The following TMEM120B variants were observed in gnomAD, a reference collection of about 807,000 sequenced individuals.
TMEM120B encodes transmembrane protein 120B.
TMEM120B carries 31 observed loss-of-function variants against 55.5 expected under a neutral mutation model. The observed-to-expected ratio is 0.56, with a 90% CI of 0.42 to 0.75. The LOEUF (loss-of-function observed/expected upper bound fraction) is 0.75, where lower values mean the gene tolerates loss of function less well. Among genes scored for constraint, TMEM120B ranks in the 30% least tolerant of loss-of-function variants. The probability of loss-of-function intolerance (pLI) is 0.00; values close to 1 mark genes in which losing one functional copy is unlikely to be tolerated. For missense variants in TMEM120B, 399 were observed against 425.5 expected (o/e 0.94, Z 0.55); for synonymous variants, 203 against 176.3 (o/e 1.15, Z -1.20).
intron 3 of TMEM120B, 96 bp downstream of exon 3, chr12:121,748,538 A>G: frequency 1.2e-6 from 1 of 803,232 alleles, no homozygotes; most frequent in Middle Eastern, 2.4e-4. Flanking sequence ...TGGTGCTCAG[A>G]TTGAAGGGGA....
intron 1 of TMEM120B, among the ~76,000 whole-genome samples, chr12:121,742,184 G>A (rs1380891615): frequency 6.6e-6 from 1 of 151,652 alleles, no homozygotes; most frequent in East Asian, 1.9e-4. Context: ...TGTATTTTTA[G>A]TAGAGACAGG....
intron 1 of TMEM120B, 43 bp from the exon 2 acceptor site, chr12:121,743,586 C>A (rs745950271): frequency 1.4e-6 from 2 of 1,438,818 alleles, no homozygotes; most frequent in Admixed American, 1.8e-5. Flanking sequence ...ATGAGCTGTT[C>A]ATATTCTCCC....
At chr12:121,742,010 T>C (rs1195433990) in intron 1 of TMEM120B, among the ~76,000 whole-genome samples, 1 of 150,306 alleles carries the variant, frequency 6.7e-6, no homozygotes, top group African/African-American at 2.4e-5. Context: ...TAACTTCCTT[T>C]TTTTTTTTTT....
chr12:121,771,069 G>A (rs1388691626), intron 7 of TMEM120B, 97 bp downstream of exon 7: 4 of 1,331,562 alleles, frequency 3.0e-6, no homozygotes, highest in African/African-American at 1.5e-5. Flanking sequence ...GGTGGGGGGT[G>A]TGCTCCAGGG....
intron 1 of TMEM120B, among the ~76,000 whole-genome samples, chr12:121,730,994 C>G (rs1022652071): frequency 1.1e-4 from 16 of 151,748 alleles, no homozygotes; most frequent in Admixed American, 5.3e-4. Context: ...CTGTATGATT[C>G]CACTTACAGG....
intron 5 of TMEM120B, among the ~76,000 whole-genome samples, chr12:121,761,428 C>G (rs988222488): frequency 1.3e-5 from 2 of 152,152 alleles, no homozygotes; most frequent in Admixed American, 1.3e-4. Flanking sequence ...GCAGGTGGGA[C>G]TCAGGGAGAA....
At chr12:121,729,821 T>C (rs1894962733) in intron 1 of TMEM120B, among the ~76,000 whole-genome samples, 1 of 152,048 alleles carries the variant, frequency 6.6e-6, no homozygotes, top group Admixed American at 6.6e-5. Context: ...AAGCGGGGTT[T>C]CAGAAAGATA....
At chr12:121,722,779 G>T (rs571513077) in intron 1 of TMEM120B, among the ~76,000 whole-genome samples, 210 of 152,164 alleles carry the variant, frequency 1.4e-3, no homozygotes, top group Non-Finnish European at 2.2e-3. Context: ...GAAGTCAATG[G>T]CTGTCTCAGG....
At chr12:121,759,221 T>A (rs1020864129) in intron 5 of TMEM120B, among the ~76,000 whole-genome samples, 1 of 146,464 alleles carries the variant, frequency 6.8e-6, no homozygotes, top group African/African-American at 2.6e-5. Flanking sequence ...CCAAGTCTCC[T>A]GTTCTTAAAG....
At chr12:121,715,771 T>C (rs1226363972) in intron 1 of TMEM120B, among the ~76,000 whole-genome samples, 1 of 152,008 alleles carries the variant, frequency 6.6e-6, no homozygotes, top group Non-Finnish European at 1.5e-5. Context: ...ATGAGGAAAC[T>C]GAAGCTTGGG....
chr12:121,764,302 C>T (rs1009356915), intron 6 of TMEM120B, among the ~76,000 whole-genome samples: 19 of 151,792 alleles, frequency 1.3e-4, no homozygotes, highest in African/African-American at 4.6e-4. Flanking sequence ...CGGTGGATCA[C>T]CTGAGGTCAG....
At chr12:121,755,524 C>T (rs61952259) in intron 5 of TMEM120B, among the ~76,000 whole-genome samples, 11,194 of 152,180 alleles carry the variant, frequency 0.074, 579 homozygotes, top group Non-Finnish European at 0.11. Context: ...AATTTTGGCT[C>T]GAGTGGGCTT....
At chr12:121,772,295 A>T (rs1001801224) in intron 8 of TMEM120B, among the ~76,000 whole-genome samples, 3 of 151,006 alleles carry the variant, frequency 2.0e-5, no homozygotes, top group Admixed American at 2.0e-4. Context: ...CGCCCAGCTA[A>T]TTTTTTTTAT....
intron 2 of TMEM120B, among the ~76,000 whole-genome samples, chr12:121,746,189 A>G (rs188010174): frequency 7.0e-5 from 8 of 114,902 alleles, no homozygotes; most frequent in African/African-American, 2.9e-4. Context: ...CCGCCCCCCC[A>G]CTTTTTTTTT....
At chr12:121,742,446 C>A (rs538040382) in intron 1 of TMEM120B, among the ~76,000 whole-genome samples, 6 of 152,178 alleles carry the variant, frequency 3.9e-5, no homozygotes, top group African/African-American at 1.4e-4. Context: ...CAAAAAAAAT[C>A]ACTTTAAATA....
chr12:121,738,481 A>T (rs1264894670), intron 1 of TMEM120B, among the ~76,000 whole-genome samples: 1 of 152,168 alleles, frequency 6.6e-6, no homozygotes, highest in Non-Finnish European at 1.5e-5. Flanking sequence ...GCAGCCTCTC[A>T]GGCCAGGGCC....
chr12:121,766,706 T>G (rs1339669615), intron 6 of TMEM120B, among the ~76,000 whole-genome samples: 5 of 152,138 alleles, frequency 3.3e-5, no homozygotes, highest in African/African-American at 4.8e-5. Context: ...CCAGACTGAG[T>G]GTGGGGGTGA....
chr12:121,765,981 C>T (rs552507239), intron 6 of TMEM120B, among the ~76,000 whole-genome samples: 10 of 152,248 alleles, frequency 6.6e-5, no homozygotes, highest in African/African-American at 2.2e-4. Flanking sequence ...GGGGCTGGTG[C>T]GCGCCGTCAA....
At chr12:121,718,621 C>A (rs1894743436) in intron 1 of TMEM120B, among the ~76,000 whole-genome samples, 1 of 152,168 alleles carries the variant, frequency 6.6e-6, no homozygotes, top group Admixed American at 6.6e-5. Context: ...CGAACCCATG[C>A]CTGCTGTATA....
Sources: allele counts gnomAD v4.1 joint callset (sites outside exome capture counted in the v4.1 genomes callset), GRCh38; gene constraint gnomAD v4.1.1; transcripts MANE v1.5; gene names NCBI Gene and HGNC (gene_info 2026-07-23, HGNC 2026-07-21).